Variants in KLHL20 observed in about 807,000 individuals in gnomAD.
The protein encoded by KLHL20 is kelch-like protein 20.
In KLHL20, 29 loss-of-function variants were observed where a neutral mutation model predicts 69.5. The ratio of observed to expected loss-of-function variants is 0.42; its 90% CI spans 0.31 to 0.57. KLHL20 has a LOEUF of 0.57. Among genes scored for constraint, KLHL20 ranks in the 20% least tolerant of loss-of-function variants. The pLI is 0.18. For synonymous variants in KLHL20, 253 were observed against 265.2 expected (o/e 0.95, Z 0.45); for missense variants, 419 against 776.0 (o/e 0.54, Z 5.47).
intron 3 of KLHL20, among the ~76,000 whole-genome samples, chr1:173,746,262 CAAGTT>C (rs896340250): frequency 5.3e-5 from 8 of 152,064 alleles, no homozygotes; most frequent in African/African-American, 1.9e-4. Flanking sequence ...CTGTCTTTGT[CAAGTT>C]AAGTATGAAT....
chr1:173,774,211 G>A (rs924432365), intron 8 of KLHL20, 94 bp from the exon 9 acceptor site: 33 of 1,418,834 alleles, frequency 2.3e-5, no homozygotes, highest in East Asian at 4.6e-5. Context: ...TAGCAAGTCC[G>A]TGTACTCAGT....
At chr1:173,731,980 G>A (rs1029386026) in intron 2 of KLHL20, among the ~76,000 whole-genome samples, 5 of 151,856 alleles carry the variant, frequency 3.3e-5, no homozygotes, top group Admixed American at 2.6e-4. Context: ...GGCGGATCAC[G>A]AGGTCAGGAG....
chr1:173,769,688 T>G (rs1315095191), intron 8 of KLHL20, among the ~76,000 whole-genome samples: 1 of 149,456 alleles, frequency 6.7e-6, no homozygotes, highest in Admixed American at 6.7e-5. Context: ...CTCAGGAGGC[T>G]GAGGTGAGAG....
At chr1:173,719,104 C>CAA (rs751845202) in intron 2 of KLHL20, among the ~76,000 whole-genome samples, 2 of 106,188 alleles carry the variant, frequency 1.9e-5, no homozygotes, top group Admixed American at 9.2e-5. Flanking sequence ...GACTCCGTCT[C>CAA]AAAAAAAAAA....
At chr1:173,784,983 A>G (rs975856082) in intron 11 of KLHL20, among the ~76,000 whole-genome samples, 180 bp from the exon 12 acceptor site, 6 of 152,236 alleles carry the variant, frequency 3.9e-5, no homozygotes, top group African/African-American at 1.4e-4. Flanking sequence ...CTGCTACTCA[A>G]CAGTGCTCAA....
At chr1:173,782,774 AT>A (rs1430884187) in intron 11 of KLHL20, among the ~76,000 whole-genome samples, 1 of 152,170 alleles carries the variant, frequency 6.6e-6, no homozygotes, top group Non-Finnish European at 1.5e-5. Context: ...TCTAGGTTTA[AT>A]TTTACTTTGC....
intron 2 of KLHL20, among the ~76,000 whole-genome samples, chr1:173,728,902 A>T (rs912085976): frequency 2.0e-5 from 3 of 152,254 alleles, no homozygotes; most frequent in African/African-American, 7.2e-5. Context: ...GGAAATAGAG[A>T]TGCAAAAACC....
At chr1:173,781,470 C>T (rs1648872223) in intron 10 of KLHL20, among the ~76,000 whole-genome samples, 1 of 152,138 alleles carries the variant, frequency 6.6e-6, no homozygotes. Flanking sequence ...TATGCCCCAC[C>T]ACACCCAGCT....
At chr1:173,755,665 G>T (rs1224378051) in intron 5 of KLHL20, among the ~76,000 whole-genome samples, 2 of 152,096 alleles carry the variant, frequency 1.3e-5, no homozygotes, top group Non-Finnish European at 2.9e-5. Context: ...AGTTATTGTT[G>T]GCTGTAAGCA....
chr1:173,725,098 A>G (rs1251198733), intron 2 of KLHL20, among the ~76,000 whole-genome samples: 2 of 152,020 alleles, frequency 1.3e-5, no homozygotes, highest in African/African-American at 4.8e-5. Context: ...AAAAATCTGT[A>G]TTTGGTGAGT....
intron 11 of KLHL20, among the ~76,000 whole-genome samples, chr1:173,783,851 A>G (rs1649032217): frequency 6.6e-6 from 1 of 151,438 alleles, no homozygotes; most frequent in Non-Finnish European, 1.5e-5. Flanking sequence ...TGGGTGACAG[A>G]GCAAGACTCC....
chr1:173,778,793 C>T (rs1221846784), intron 10 of KLHL20, among the ~76,000 whole-genome samples: 1 of 152,144 alleles, frequency 6.6e-6, no homozygotes, highest in Non-Finnish European at 1.5e-5. Flanking sequence ...CTTTGAATGT[C>T]TACGGTATCA....
At chr1:173,718,871 G>A (rs900371627) in intron 2 of KLHL20, among the ~76,000 whole-genome samples, 8 of 152,122 alleles carry the variant, frequency 5.3e-5, no homozygotes, top group African/African-American at 1.4e-4. Context: ...TTGGGAGGCC[G>A]AGGCAGGCGG....
At chr1:173,726,237 A>C (rs1200417869) in intron 2 of KLHL20, among the ~76,000 whole-genome samples, 1 of 152,082 alleles carries the variant, frequency 6.6e-6, no homozygotes, top group African/African-American at 2.4e-5. Flanking sequence ...GTAGGTAAAT[A>C]AAGCGGCTGG....
chr1:173,716,104 T>G, intron 2 of KLHL20, 38 bp downstream of exon 2: 1 of 1,601,604 alleles, frequency 6.2e-7, no homozygotes. Context: ...TTTCACTGAT[T>G]AAAATTCAGC....
chr1:173,785,982 T>C lies in KLHL20; in HGVS notation c.*735T>C, dbSNP rs1392287284. On this transcript the variant is annotated 3_prime_UTR_variant, in exon 12 of 12. Transcript: ENST00000209884. ...CTCAGTGCCTCTTATAAAAACAATA[T>C]ATAAGTCTCATATGCTGTCTTGAGA... 1 of 152,214 alleles carries C rather than the reference T, an allele frequency of 6.6e-6. No homozygotes were observed. Among genetic ancestry groups the C allele is most frequent in the Non-Finnish European group, 1.5e-5 (1 of 68,030 alleles). 9.4% of individuals were successfully genotyped at this position (152,214 alleles called of 1,614,324 possible).
rs775040273 is a variant in KLHL20, at chr1:173,733,860, G to A, written c.171G>A (p.Val57=). ...SDKHPRQTLE[V]INLLRKHREL... ...AGCACCCTCGACAAACCTTGGAAGTGATTAACCTTCTGAGAAAGCACCGGG... is the reference window on the plus strand; with the variant it reads ...AGCACCCTCGACAAACCTTGGAAGTAATTAACCTTCTGAGAAAGCACCGGG... Residue 57 remains valine, a synonymous_variant, in exon 3 of 12, where the codon GTG becomes GTA. Coordinates refer to ENST00000209884, the MANE Select transcript of KLHL20 (RefSeq NM_014458.4). The A allele has an allele frequency of 1.9e-6, 3 of 1,614,118 alleles. No individual in the cohort carries two copies. The highest frequency in any genetic ancestry group is 3.3e-5 in the Admixed American group (2 of 60,000).
intron 10 of KLHL20, among the ~76,000 whole-genome samples, chr1:173,781,535 C>A (rs757945668): frequency 9.9e-5 from 15 of 152,052 alleles, no homozygotes; most frequent in Non-Finnish European, 1.9e-4. Context: ...AGGCCTGTCT[C>A]GAACTCCTGG....
intron 2 of KLHL20, among the ~76,000 whole-genome samples, chr1:173,726,269 C>G (rs1455765554): frequency 6.6e-6 from 1 of 151,972 alleles, no homozygotes; most frequent in Admixed American, 6.6e-5. Context: ...GTGGTGGAGC[C>G]CACTGCAGTT....
Sources: allele counts gnomAD v4.1 joint callset (sites outside exome capture counted in the v4.1 genomes callset), GRCh38; gene constraint gnomAD v4.1.1; transcripts MANE v1.5; gene names NCBI Gene and HGNC (gene_info 2026-07-23, HGNC 2026-07-21).